Variants in RPL27 observed in about 807,000 individuals in gnomAD.
RPL27 encodes the protein ribosomal protein L27.
For missense variants in RPL27, 131 were observed against 174.3 expected, an observed-to-expected ratio of 0.75 and a Z score of 1.40; for synonymous variants, 77 against 61.0, an observed-to-expected ratio of 1.26 and a Z score of -1.22.
rs1175460441 is a variant in RPL27 at position 43,000,084 on chromosome 17, A to G, written c.233A>G (p.Asn78Ser). ...TCTTTTGTGAAAGTGTATAACTACA[A>G]TCACCTAATGCCCACAAGGTGAGCA... Reference protein sequence around the residue: ...IKSFVKVYNYNHLMPTRYSVD... With the variant: ...IKSFVKVYNYSHLMPTRYSVD... Residue 78 changes from asparagine (N) to serine (S), a missense_variant, in exon 3 of 5, where the codon AAT (asparagine) becomes AGT (serine). By Grantham distance (46) the Asn-to-Ser change is conservative (BLOSUM62 1). Coordinates refer to ENST00000253788, the MANE Select transcript of RPL27 (RefSeq NM_000988.5). The G allele has an allele frequency of 5.0e-6, 8 of 1,612,440 alleles. No individual in the cohort carries two copies. Among genetic ancestry groups the G allele is most frequent in the Non-Finnish European group, 6.8e-6 (8 of 1,179,402 alleles).
intron 3 of RPL27, among the ~76,000 whole-genome samples, chr17:43,000,513 G>A (rs1356679325): frequency 8.0e-5 from 12 of 150,250 alleles, no homozygotes; most frequent in Non-Finnish European, 1.5e-4. Context: ...AGTCGCCCAG[G>A]TTGGAGTGCA....
chr17:43,000,089 C>G lies in RPL27; in HGVS notation c.238C>G (p.Leu80Val). The change falls in exon 3 of 5, where the codon CTA (leucine) becomes GTA (valine). Residue 80 changes from leucine to valine, a missense_variant. Coordinates refer to ENST00000253788, the MANE Select transcript of RPL27 (RefSeq NM_000988.5). ...SFVKVYNYNH[L>V]MPTRYSVDIP... ...TGTGAAAGTGTATAACTACAATCAC[C>G]TAATGCCCACAAGGTGAGCATTTCA... 6.2e-7 allele frequency: 1 copy of G among 1,611,802 alleles called. No individual in the cohort carries two copies. The highest frequency in any genetic ancestry group is 1.1e-5 in the South Asian group (1 of 91,024).
rs747319203 is a variant in RPL27 at position 43,002,756 on chromosome 17, G to T, written c.335G>T (p.Arg112Leu). The T allele has an allele frequency of 6.2e-7, 1 of 1,613,572 alleles. No homozygotes were observed. The stretch of plus-strand genomic sequence containing the variant: ...CCTGCTCTTAAACGCAAGGCCCGAC[G>T]GGAGGCCAAGGTCAAGTTTGAAGAG... Reference protein sequence around the residue: ...RDPALKRKARREAKVKFEERY... With the variant: ...RDPALKRKARLEAKVKFEERY... The change falls in exon 4 of 5, where the codon CGG becomes CTG. Residue 112 changes from arginine to leucine, a missense_variant. Arg to Leu is a moderately radical substitution (Grantham distance 102). Coordinates refer to ENST00000253788, the MANE Select transcript of RPL27 (RefSeq NM_000988.5).
chr17:43,000,733 C>T (rs1393636960), intron 3 of RPL27, among the ~76,000 whole-genome samples: 1 of 150,020 alleles, frequency 6.7e-6, no homozygotes, highest in Non-Finnish European at 1.5e-5. Flanking sequence ...CGTGAGCCAC[C>T]GTGCCCGGCC....
chr17:43,001,694 GCTAGTGTTT>G (rs2151965872), intron 3 of RPL27, among the ~76,000 whole-genome samples: 1 of 151,834 alleles, frequency 6.6e-6, no homozygotes, highest in African/African-American at 2.4e-5. Context: ...GGTTGAGGCA[GCTAGTGTTT>G]GGGCTGTCAT....
intron 3 of RPL27, among the ~76,000 whole-genome samples, chr17:43,001,393 A>G (rs1212168427): frequency 2.6e-5 from 4 of 152,002 alleles, no homozygotes; most frequent in Non-Finnish European, 5.9e-5. Context: ...TGGGAGGCCG[A>G]GGCAGGTGGA....
In RPL27 at chr17:42,999,546, T is replaced by A. The variant is rs1461244554; in HGVS notation, c.82-387T>A. ...TGGGGACACTGGAGTACCCCTGGAT[T>A]CCCCTCTCCCATCTCCTGAGACTGA... On this transcript the variant is annotated intron_variant, in intron 2 of 4. Coordinates refer to ENST00000253788, the MANE Select transcript of RPL27 (RefSeq NM_000988.5). 3 of 175,366 alleles carry A rather than the reference T, an allele frequency of 1.7e-5. No individual in the cohort carries two copies. In the East Asian group the frequency reaches 4.6e-4, roughly 27 times the overall value. 10.9% of individuals were successfully genotyped at this position (175,366 alleles called of 1,614,324 possible).
Position 43,002,320 on chromosome 17 carries a change from ACT to A in RPL27, c.252-352_252-351del, listed in dbSNP as rs570810201. 4.0e-5 allele frequency among the ~76,000 whole-genome samples: 6 copies of A among 150,646 alleles called. No individual in the cohort carries two copies. In the South Asian group the frequency reaches 1.3e-3, roughly 32 times the overall value. On this transcript the variant is annotated intron_variant, in intron 3 of 4. Coordinates refer to ENST00000253788, the MANE Select transcript of RPL27 (RefSeq NM_000988.5). ...GGAGATCAAGACCGTCCTGGCTAAC[ACT>A]GTGAAACCCCGTCTCTACTAAAAAA...
At chr17:42,998,947 C>G in intron 2 of RPL27, 116 bp downstream of exon 2, 1 of 782,650 alleles carries the variant, frequency 1.3e-6, no homozygotes, top group Non-Finnish European at 2.2e-6. Flanking sequence ...TGAGCACGGT[C>G]AGGGTGAACG....
rs184739457 is a variant in RPL27 at position 43,000,140 on chromosome 17, C to T, written c.251+38C>T. 84 of 1,513,994 alleles carry T rather than the reference C, an allele frequency of 5.5e-5. 1 individual carries two copies. In the East Asian group the frequency reaches 1.5e-3, roughly 27 times the overall value. 93.8% of individuals were successfully genotyped at this position (1,513,994 alleles called of 1,614,324 possible). A position where few individuals can be genotyped will look rare whatever the true frequency, so the allele number is the denominator to read the frequency against. On this transcript the variant is annotated intron_variant, in intron 3 of 4. Transcript: ENST00000253788. The stretch of plus-strand genomic sequence containing the variant: ...AGAACTAGAATTTAAATTTCTTCTC[C>T]CTGCTCTGTTGAATAATGAGACAGA...
At chr17:42,999,798 T>A in intron 2 of RPL27, 135 bp from the exon 3 acceptor site, 1 of 648,912 alleles carries the variant, frequency 1.5e-6, no homozygotes, top group South Asian at 2.0e-5. Flanking sequence ...CTCATAGCTT[T>A]CTGTGATTTT....
chr17:43,002,831 C>T (rs1399303052), intron 4 of RPL27, 41 bp from the exon 5 acceptor site: 4 of 1,606,696 alleles, frequency 2.5e-6, no homozygotes, highest in African/African-American at 1.3e-5. Flanking sequence ...TCACTATTTC[C>T]ATTCCTTTCC....
chr17:43,002,704 G>T lies in RPL27; in HGVS notation c.283G>T (p.Val95Phe), dbSNP rs765351338. The change falls in exon 4 of 5, where the codon GTC (valine) becomes TTC (phenylalanine). Residue 95 changes from valine (V) to phenylalanine (F), a missense_variant. Physicochemically the swap from Val to Phe is conservative, Grantham distance 50. Coordinates refer to ENST00000253788, the MANE Select transcript of RPL27 (RefSeq NM_000988.5). ...YSVDIPLDKT[V>F]VNKDVFRDPA... ...TGTGGATATCCCCTTGGACAAAACT[G>T]TCGTCAATAAGGATGTCTTCAGAGA... The T allele has an allele frequency of 6.2e-7, 1 of 1,613,664 alleles. No homozygotes were observed. Among genetic ancestry groups the T allele is most frequent in the Non-Finnish European group, 8.5e-7 (1 of 1,179,638 alleles).
intron 2 of RPL27, 142 bp downstream of exon 2, chr17:42,998,973 G>A (rs1409758242): frequency 3.1e-6 from 2 of 635,292 alleles, no homozygotes; most frequent in Admixed American, 5.5e-5. Flanking sequence ...GAGTTTTTGA[G>A]AGAGGAAGAA....
Position 42,998,746 on chromosome 17 carries a change from C to T in RPL27, c.-2-3C>T. On this transcript the variant is annotated splice_polypyrimidine_tract_variant and splice_region_variant and intron_variant, in intron 1 of 4. Transcript: ENST00000253788. ...AGTGGCCCTTTCTCCTTGCTCTCTG[C>T]AGAAATGGGCAAGTTCATGAAACCT... is the stretch of plus-strand genomic sequence containing the variant. 1 of 1,612,426 alleles carries T rather than the reference C, an allele frequency of 6.2e-7. No individual in the cohort carries two copies.
intron 3 of RPL27, among the ~76,000 whole-genome samples, chr17:43,001,421 TTCG>T (rs2050360612): frequency 1.3e-5 from 2 of 148,270 alleles, no homozygotes; most frequent in African/African-American, 5.1e-5. Context: ...AGGTCAGGAG[TTCG>T]AGACCAACCT....
intron 2 of RPL27, chr17:42,999,641 A>G: frequency 3.2e-6 from 1 of 315,968 alleles, no homozygotes; most frequent in Non-Finnish European, 6.0e-6. Context: ...AAGTGAATAG[A>G]TACCAAGTCC....
intron 2 of RPL27, chr17:42,999,106 TTTCAGGTATTG>T (rs2050331809): frequency 2.4e-6 from 1 of 422,214 alleles, no homozygotes; most frequent in Admixed American, 4.2e-5. Context: ...TCCCACTGCC[TTTCAGGTATTG>T]TCATGTGCAG....
rs137895818 is a variant in RPL27, at chr17:42,998,632, G to T, written c.-2-117G>T. 12 of 768,444 alleles carry T rather than the reference G, an allele frequency of 1.6e-5. No homozygotes were observed. In the African/African-American group the frequency reaches 2.1e-4, roughly 13 times the overall value. The allele number at this position is 768,444 out of a possible 1,614,324, so 47.6% of individuals were successfully genotyped here. On this transcript the variant is annotated intron_variant, in intron 1 of 4. Coordinates refer to ENST00000253788, the MANE Select transcript of RPL27 (RefSeq NM_000988.5). The stretch of plus-strand genomic sequence containing the variant: ...GCCCTCGGGCGGCCTTGACCAAGGC[G>T]ACAGTGAACACAGTCTGAAGTTCCG...
Sources: allele counts gnomAD v4.1 joint callset (sites outside exome capture counted in the v4.1 genomes callset), GRCh38; gene constraint gnomAD v4.1.1; transcripts MANE v1.5; gene names NCBI Gene and HGNC (gene_info 2026-07-23, HGNC 2026-07-21).